Variants in DPP10 observed in about 807,000 individuals in gnomAD.
DPP10 encodes the protein inactive dipeptidyl peptidase 10.
A neutral mutation model predicts 120.9 loss-of-function variants in DPP10; 33 were observed. The ratio of observed to expected loss-of-function variants is 0.27; its 90% CI spans 0.21 to 0.37. The LOEUF is 0.37. Ranked by LOEUF, DPP10 falls within the 10% of genes least tolerant of loss-of-function variation. The probability of loss-of-function intolerance (pLI) is 1.00; values close to 1 mark genes in which losing one functional copy is unlikely to be tolerated. For missense variants in DPP10, 816 were observed against 942.8 expected (o/e 0.87, Z 1.76); for synonymous variants, 337 against 326.1 (o/e 1.03, Z -0.36).
intron 3 of DPP10, among the ~76,000 whole-genome samples, chr2:115,487,135 C>T (rs2075824579): frequency 6.6e-6 from 1 of 151,178 alleles, no homozygotes; most frequent in Non-Finnish European, 1.5e-5. Flanking sequence ...ACAATTGCTT[C>T]AAAGAGAATA....
At chr2:115,383,932 C>G (rs1033008377) in intron 3 of DPP10, among the ~76,000 whole-genome samples, 1 of 152,168 alleles carries the variant, frequency 6.6e-6, no homozygotes, top group African/African-American at 2.4e-5. Context: ...TCCAAAGAAA[C>G]CAATAGATCA....
chr2:115,723,622 G>GTTTTTTTT (rs11399436), intron 7 of DPP10, among the ~76,000 whole-genome samples: 1 of 142,946 alleles, frequency 7.0e-6, no homozygotes. Context: ...GTTGTTTTTT[G>GTTTTTTTT]TTTTTTTTTT....
chr2:114,785,409 T>C (rs1682682289), intron 1 of DPP10, among the ~76,000 whole-genome samples: 1 of 152,158 alleles, frequency 6.6e-6, no homozygotes. Flanking sequence ...TGTCTCCTGC[T>C]GGGAGGCTGA....
chr2:115,348,991 A>T (rs1286542353), intron 3 of DPP10, among the ~76,000 whole-genome samples: 2 of 152,158 alleles, frequency 1.3e-5, no homozygotes, highest in Admixed American at 1.3e-4. Context: ...CACTCTTAGC[A>T]CAGCCCTTTC....
intron 19 of DPP10, among the ~76,000 whole-genome samples, chr2:115,793,694 ATG>A (rs200628640): frequency 0.014 from 2,075 of 152,124 alleles, 50 homozygotes; most frequent in African/African-American, 0.045. Context: ...TACAGGAAGA[ATG>A]AATGAAAATG....
chr2:115,327,740 A>G (rs1413775562), intron 2 of DPP10, among the ~76,000 whole-genome samples: 1 of 152,040 alleles, frequency 6.6e-6, no homozygotes, highest in Non-Finnish European at 1.5e-5. Context: ...TTATTTTTTG[A>G]CATACTGCAC....
In DPP10 at chr2:115,753,423, G is replaced by T. The variant is rs1029011646; in HGVS notation, c.1074+126G>T. 4.7e-6 allele frequency: 4 copies of T among 848,120 alleles called. No homozygotes were observed. In the African/African-American group the frequency reaches 5.1e-5, roughly 11 times the overall value. 52.5% of individuals were successfully genotyped at this position (848,120 alleles called of 1,614,324 possible). ...TTAACTTTTAAAACTAATAGGAAAA[G>T]AATTATTCTATTAAGAATATATACT... On this transcript the variant is annotated intron_variant, in intron 11 of 25. Coordinates refer to ENST00000410059, the MANE Select transcript of DPP10 (RefSeq NM_020868.6).
At chr2:115,291,599 C>T (rs998485578) in intron 1 of DPP10, among the ~76,000 whole-genome samples, 4 of 152,078 alleles carry the variant, frequency 2.6e-5, no homozygotes, top group African/African-American at 9.7e-5. Context: ...AATTTATTTA[C>T]ACATTTTTTT....
At chr2:114,873,243 G>A (rs1004502208) in intron 1 of DPP10, among the ~76,000 whole-genome samples, 9 of 152,096 alleles carry the variant, frequency 5.9e-5, no homozygotes, top group African/African-American at 2.2e-4. Flanking sequence ...AGGTCAAAAG[G>A]TGGCACATGT....
intron 1 of DPP10, among the ~76,000 whole-genome samples, chr2:115,035,012 A>C (rs1336382507): frequency 2.0e-5 from 3 of 152,196 alleles, no homozygotes; most frequent in Non-Finnish European, 4.4e-5. Context: ...GGCCTTTCCC[A>C]ATCTAAACAC....
chr2:115,286,503 T>TATGTAA (rs1491303092), intron 1 of DPP10, among the ~76,000 whole-genome samples: 1 of 33,452 alleles, frequency 3.0e-5, no homozygotes, highest in Non-Finnish European at 7.7e-5. Context: ...TATATATATA[T>TATGTAA]TACATATATA....
intron 1 of DPP10, among the ~76,000 whole-genome samples, chr2:114,660,481 A>C (rs1697316954): frequency 6.6e-6 from 1 of 152,138 alleles, no homozygotes; most frequent in Non-Finnish European, 1.5e-5. Context: ...TGGACATATA[A>C]TACTAGAAAG....
chr2:115,183,281 A>G (rs1462510182), intron 1 of DPP10, among the ~76,000 whole-genome samples: 1 of 149,898 alleles, frequency 6.7e-6, no homozygotes, highest in Non-Finnish European at 1.5e-5. Context: ...AATTTTGTGG[A>G]AAAAAAAAAT....
At chr2:114,507,139 C>T (rs925877993) in intron 1 of DPP10, among the ~76,000 whole-genome samples, 15 of 151,500 alleles carry the variant, frequency 9.9e-5, no homozygotes, top group Non-Finnish European at 1.9e-4. Flanking sequence ...CCTCCACCTC[C>T]TGGGCTCAAG....
chr2:114,573,498 C>T (rs1327650006), intron 1 of DPP10, among the ~76,000 whole-genome samples: 1 of 152,054 alleles, frequency 6.6e-6, no homozygotes, highest in African/African-American at 2.4e-5. Flanking sequence ...CTTTGCAGAA[C>T]AAGAGAAGTA....
intron 2 of DPP10, among the ~76,000 whole-genome samples, chr2:115,315,264 C>T (rs960309066): frequency 6.6e-6 from 1 of 150,922 alleles, no homozygotes; most frequent in African/African-American, 2.4e-5. Context: ...CACACACATG[C>T]ACACACACAC....
intron 1 of DPP10, among the ~76,000 whole-genome samples, chr2:114,668,349 T>C (rs1209069307): frequency 6.6e-6 from 1 of 152,292 alleles, no homozygotes; most frequent in East Asian, 1.9e-4. Flanking sequence ...ATGAATGTCC[T>C]AGCGCAGAAA....
intron 1 of DPP10, among the ~76,000 whole-genome samples, chr2:114,648,063 G>A (rs1696272913): frequency 1.3e-5 from 2 of 152,146 alleles, no homozygotes; most frequent in Non-Finnish European, 2.9e-5. Context: ...TTTGCTTGAA[G>A]CTCCCTTCAT....
intron 1 of DPP10, among the ~76,000 whole-genome samples, chr2:114,602,177 AATT>A (rs1692426338): frequency 6.6e-6 from 1 of 151,890 alleles, no homozygotes; most frequent in Non-Finnish European, 1.5e-5. Context: ...ATGAAAGTTG[AATT>A]TTCCAAAAGA....
Sources: gnomAD v4.1 joint callset for allele counts (sites outside exome capture counted in the v4.1 genomes callset) on GRCh38, gnomAD v4.1.1 for gene constraint, MANE v1.5 for transcripts, NCBI Gene and HGNC (gene_info 2026-07-23, HGNC 2026-07-21) for gene names.